The following LRFN5 variants were observed in gnomAD, a reference collection of about 807,000 sequenced individuals.
LRFN5 encodes leucine rich repeat and fibronectin type III domain containing 5.
Under a neutral mutation model 45.6 loss-of-function variants are expected in LRFN5, and 24 were observed. That is an observed-to-expected ratio of 0.53 (90% CI 0.38 to 0.74). LRFN5 has a LOEUF of 0.74. LRFN5 is among the 30% of genes least tolerant of loss of function. The pLI, the probability that LRFN5 is intolerant of heterozygous loss-of-function variation, is 0.00. For synonymous variants in LRFN5, 340 were observed against 313.8 expected (o/e 1.08, Z -0.88); for missense variants, 776 against 861.5 (o/e 0.90, Z 1.24).
chr14:41,672,587 T>A (rs1194701125), intron 1 of LRFN5, among the ~76,000 whole-genome samples: 2 of 152,234 alleles, frequency 1.3e-5, no homozygotes, highest in Admixed American at 6.5e-5. Flanking sequence ...AAATTTCTTA[T>A]GTGTCATGCA....
intron 1 of LRFN5, among the ~76,000 whole-genome samples, chr14:41,737,193 C>G (rs1387716435): frequency 6.6e-6 from 1 of 152,040 alleles, no homozygotes; most frequent in Non-Finnish European, 1.5e-5. Flanking sequence ...AAGGCTGGTT[C>G]AATATATGCA....
chr14:41,838,744 CA>C (rs1318745425), intron 2 of LRFN5, among the ~76,000 whole-genome samples: 6 of 152,206 alleles, frequency 3.9e-5, no homozygotes, highest in African/African-American at 1.4e-4. Flanking sequence ...GAATATTTAA[CA>C]TGTTTCCAAA....
chr14:41,904,229 T>C lies in LRFN5; in HGVS notation c.*54T>C, dbSNP rs1209157481. On this transcript the variant is annotated 3_prime_UTR_variant, in exon 6 of 6. Transcript: ENST00000298119. ...AAAAATTTGCCACTGATATTTTTAC[T>C]GGATAAAATTCAAAAATGTTTCAAT... The C allele has an allele frequency of 6.3e-7, 1 of 1,598,750 alleles. No individual in the cohort carries two copies. Among genetic ancestry groups the C allele is most frequent in the Non-Finnish European group, 8.5e-7 (1 of 1,169,676 alleles).
At chr14:41,714,989 G>GA (rs374846250) in intron 1 of LRFN5, among the ~76,000 whole-genome samples, 7 of 152,028 alleles carry the variant, frequency 4.6e-5, no homozygotes, top group African/African-American at 1.7e-4. Context: ...CTCAAACTTT[G>GA]AAAAAAACAT....
At chr14:41,784,617 G>T (rs533743652) in intron 2 of LRFN5, among the ~76,000 whole-genome samples, 1 of 91,806 alleles carries the variant, frequency 1.1e-5, no homozygotes, top group African/African-American at 5.1e-5. Flanking sequence ...GCCTGTGTGT[G>T]TATGTGTGTG....
At chr14:41,658,735 G>C (rs1880491949) in intron 1 of LRFN5, among the ~76,000 whole-genome samples, 1 of 151,580 alleles carries the variant, frequency 6.6e-6, no homozygotes, top group South Asian at 2.1e-4. Flanking sequence ...TTTTCTTCTT[G>C]AAGAAGTGAA....
At chr14:41,612,147 T>A (rs1241589053) in intron 1 of LRFN5, among the ~76,000 whole-genome samples, 2 of 152,186 alleles carry the variant, frequency 1.3e-5, no homozygotes, top group Non-Finnish European at 2.9e-5. Context: ...GAAATTGAGA[T>A]CTTGCTTTCT....
At chr14:41,856,769 C>A (rs1337334831) in intron 2 of LRFN5, among the ~76,000 whole-genome samples, 1 of 139,122 alleles carries the variant, frequency 7.2e-6, no homozygotes, top group Non-Finnish European at 1.5e-5. Flanking sequence ...CTCCGCCTTC[C>A]GGGTTCACGC....
chr14:41,891,835 T>C lies in LRFN5; in HGVS notation c.1971T>C (p.Asn657=). The change falls in exon 4 of 6, where the codon AAT becomes AAC. Residue 657 remains asparagine, a synonymous_variant. Transcript: ENST00000298119. Reference sequence around the variant, plus strand: ...CAAAGCCAAGTACAGAACCACAGAATGAAGCCGTCACAAATGTTGAATCCC... The same window carrying C: ...CAAAGCCAAGTACAGAACCACAGAACGAAGCCGTCACAAATGTTGAATCCC... ...TGTKPSTEPQ[N]EAVTNVESQN... 6.2e-7 allele frequency: 1 copy of C among 1,614,146 alleles called. No homozygotes were observed. The highest frequency in any genetic ancestry group is 2.2e-5 in the East Asian group (1 of 44,870).
intron 1 of LRFN5, among the ~76,000 whole-genome samples, chr14:41,735,592 T>C (rs1884393082): frequency 6.6e-6 from 1 of 152,210 alleles, no homozygotes; most frequent in African/African-American, 2.4e-5. Flanking sequence ...ATTTTTATTT[T>C]ATTAGTTTTA....
chr14:41,636,711 A>G (rs1035288818), intron 1 of LRFN5, among the ~76,000 whole-genome samples: 32 of 152,188 alleles, frequency 2.1e-4, no homozygotes, highest in African/African-American at 6.8e-4. Context: ...GCCTGATTCC[A>G]ATGAGACAGA....
In LRFN5 at chr14:41,761,587, T is replaced by C. The variant is rs1017753321; in HGVS notation, c.-196-5267T>C. On this transcript the variant is annotated intron_variant, in intron 1 of 5. Coordinates refer to ENST00000298119, the MANE Select transcript of LRFN5 (RefSeq NM_152447.5). ...CAAAGAACAGAGTAGGCCTGACATT[T>C]ACATTGTCAGAGCACAACATGAGCT... Among the ~76,000 whole-genome samples, 5 of 152,096 alleles carry C rather than the reference T, an allele frequency of 3.3e-5. No individual in the cohort carries two copies. The East Asian group carries it at 5.8e-4, about 18-fold the overall frequency.
chr14:41,761,425 C>A (rs1229144276), intron 1 of LRFN5, among the ~76,000 whole-genome samples: 1 of 152,072 alleles, frequency 6.6e-6, no homozygotes, highest in African/African-American at 2.4e-5. Flanking sequence ...AACTGATATT[C>A]TGTTTTAATT....
intron 1 of LRFN5, among the ~76,000 whole-genome samples, chr14:41,740,975 T>A (rs907628516): frequency 6.6e-6 from 1 of 151,796 alleles, no homozygotes; most frequent in Non-Finnish European, 1.5e-5. Context: ...CCATTTACAA[T>A]AGCATCCAAA....
chr14:41,892,319 A>G (rs1890813821), intron 4 of LRFN5: 1 of 964,530 alleles, frequency 1.0e-6, no homozygotes, highest in African/African-American at 1.8e-5. Flanking sequence ...ATATAACTAT[A>G]TATATGTATG....
At chr14:41,646,763 T>G (rs1446626493) in intron 1 of LRFN5, among the ~76,000 whole-genome samples, 2 of 152,218 alleles carry the variant, frequency 1.3e-5, no homozygotes, top group Non-Finnish European at 2.9e-5. Flanking sequence ...TAAGGGGATC[T>G]CTTTCCTCAC....
chr14:41,871,963 A>G (rs913784928), intron 2 of LRFN5, among the ~76,000 whole-genome samples: 1 of 152,096 alleles, frequency 6.6e-6, no homozygotes, highest in African/African-American at 2.4e-5. Context: ...TTACATTCTT[A>G]TAGTTAGGGA....
chr14:41,892,595 G>A (rs1050305044), intron 4 of LRFN5: 16 of 981,536 alleles, frequency 1.6e-5, no homozygotes, highest in Non-Finnish European at 1.9e-5. Context: ...TTTGTTTTTA[G>A]GGAAATGTTG....
At position 41,607,849 on chromosome 14, in the gene LRFN5, G is replaced by A. The variant is rs912214865; in HGVS notation, c.-910G>A. On this transcript the variant is annotated 5_prime_UTR_variant, in exon 1 of 6. Transcript: ENST00000298119. ...CTACACCTTCTTCTCTTGGCCAGAA[G>A]GATATTTACGTTTTGGTTCACAGCA... is the stretch of plus-strand genomic sequence containing the variant. 10 of 152,206 alleles carry A rather than the reference G, an allele frequency of 6.6e-5. No homozygotes were observed. Among genetic ancestry groups the A allele is most frequent in the African/African-American group, 2.4e-4 (10 of 41,428 alleles). 9.4% of individuals were successfully genotyped at this position (152,206 alleles called of 1,614,324 possible). A position where few individuals can be genotyped will look rare whatever the true frequency, so the allele number is the denominator to read the frequency against.
Sources: gnomAD v4.1 joint callset for allele counts (sites outside exome capture counted in the v4.1 genomes callset) on GRCh38, gnomAD v4.1.1 for gene constraint, MANE v1.5 for transcripts, NCBI Gene and HGNC (gene_info 2026-07-23, HGNC 2026-07-21) for gene names.